The following ZFAND2A variants were observed in gnomAD, a reference collection of about 807,000 sequenced individuals.
ZFAND2A encodes zinc finger AN1-type containing 2A, also known as AN1-type zinc finger protein 2A.
Under a neutral mutation model 11.6 loss-of-function variants are expected in ZFAND2A, and 20 were observed. The ratio of observed to expected loss-of-function variants is 1.72; its 90% CI spans 1.21 to 2.50. The LOEUF is 2.50. Among genes scored for constraint, ZFAND2A ranks in the 30% most tolerant of loss-of-function variants. The pLI is 0.00. For missense variants in ZFAND2A, 234 were observed against 182.9 expected (o/e 1.28, Z -1.61); for synonymous variants, 93 against 60.6 (o/e 1.54, Z -2.48).
downstream of ZFAND2A, among the ~76,000 whole-genome samples, chr7:1,152,620 C>G (rs996851008): frequency 3.9e-5 from 6 of 152,180 alleles, no homozygotes; most frequent in African/African-American, 1.4e-4. Context: ...GAGGTCACGA[C>G]TGTGGGATCA....
chr7:1,157,486 G>A, intron 3 of ZFAND2A, 170 bp downstream of exon 3: 1 of 601,408 alleles, frequency 1.7e-6, no homozygotes, highest in Non-Finnish European at 2.9e-6. Flanking sequence ...ACGCTCCTCT[G>A]TACTGCCTAA....
intron 3 of ZFAND2A, among the ~76,000 whole-genome samples, chr7:1,156,161 G>A (rs917042815): frequency 1.6e-5 from 2 of 125,040 alleles, no homozygotes; most frequent in African/African-American, 7.7e-5. Context: ...GGGGTGGACT[G>A]CCCAGCAGCT....
downstream of ZFAND2A, among the ~76,000 whole-genome samples, chr7:1,151,762 TAA>T (rs530920394): frequency 1.1e-5 from 1 of 87,144 alleles, no homozygotes; most frequent in Non-Finnish European, 2.2e-5. Context: ...TCATCCCTTT[TAA>T]AAAAAAAAAA....
rs374652863 is a variant in ZFAND2A, at chr7:1,153,055, A to G, written c.*14T>C. On this transcript the variant is annotated 3_prime_UTR_variant, in exon 5 of 5. Coordinates refer to ENST00000316495, the MANE Select transcript of ZFAND2A (RefSeq NM_182491.4). The stretch of plus-strand genomic sequence containing the variant: ...GCTACTGCGTGCTCCGAGCCATCGC[A>G]GCGGAGTCTCTTCTCACCCAGCTTT... 10 of 1,614,014 alleles carry G rather than the reference A, an allele frequency of 6.2e-6. No individual in the cohort carries two copies. The East Asian group carries it at 6.7e-5, about 11-fold the overall frequency.
At chr7:1,149,844 T>C (rs2128256512), downstream of ZFAND2A, among the ~76,000 whole-genome samples, 1 of 150,002 alleles carries the variant, frequency 6.7e-6, no homozygotes, top group Non-Finnish European at 1.5e-5. Context: ...GTGACTAGCT[T>C]GTTCTTAAGT....
chr7:1,158,370 T>C (rs200873369), intron 1 of ZFAND2A, 113 bp from the exon 2 acceptor site: 1 of 663,614 alleles, frequency 1.5e-6, no homozygotes, highest in East Asian at 2.6e-5. Flanking sequence ...TGGGGAGCAT[T>C]CCATGGAGTT....
At chr7:1,150,063 G>A (rs117433423), downstream of ZFAND2A, among the ~76,000 whole-genome samples, 3,970 of 151,866 alleles carry the variant, frequency 0.026, 76 homozygotes, top group African/African-American at 0.049. Context: ...ATGTTGGCCA[G>A]GCTGGTCTCA....
At chr7:1,150,484 A>G (rs1284200672), downstream of ZFAND2A, among the ~76,000 whole-genome samples, 1 of 152,050 alleles carries the variant, frequency 6.6e-6, no homozygotes, top group Admixed American at 6.6e-5. Context: ...AAATCACTGC[A>G]CTCTTGATGA....
intron 4 of ZFAND2A, 86 bp downstream of exon 4, chr7:1,155,367 G>C: frequency 6.4e-7 from 1 of 1,551,844 alleles, no homozygotes; most frequent in East Asian, 2.3e-5. Context: ...AAACTATTGG[G>C]AGTAATTTTC....
chr7:1,153,426 C>CA (rs1793446775), intron 4 of ZFAND2A, among the ~76,000 whole-genome samples: 1 of 152,032 alleles, frequency 6.6e-6, no homozygotes, highest in South Asian at 2.1e-4. Context: ...TCTATTTTCA[C>CA]AGAGATGGGG....
At chr7:1,150,887 CTTT>C (rs10568309), downstream of ZFAND2A, among the ~76,000 whole-genome samples, 105 of 128,082 alleles carry the variant, frequency 8.2e-4, 1 homozygote, top group Non-Finnish European at 1.3e-3. Context: ...ACAACTGTGC[CTTT>C]TTTTTTTTTT....
downstream of ZFAND2A, among the ~76,000 whole-genome samples, chr7:1,151,763 A>T (rs73264947): frequency 5.7e-4 from 43 of 75,436 alleles, no homozygotes; most frequent in East Asian, 1.3e-3. Context: ...CATCCCTTTT[A>T]AAAAAAAAAA....
At chr7:1,155,797 A>G (rs1307293216) in intron 3 of ZFAND2A, 1 of 462,770 alleles carries the variant, frequency 2.2e-6, no homozygotes, top group Non-Finnish European at 3.6e-6. Flanking sequence ...AGTCTAGTGA[A>G]GTTTCAACGA....
At chr7:1,148,909 T>C (rs777270078), downstream of ZFAND2A, among the ~76,000 whole-genome samples, 57 of 148,248 alleles carry the variant, frequency 3.8e-4, 2 homozygotes, top group African/African-American at 1.3e-3. Flanking sequence ...CACAGCTCAC[T>C]GCAGCCTTGA....
chr7:1,149,157 T>A (rs1793352401), downstream of ZFAND2A, among the ~76,000 whole-genome samples: 1 of 152,108 alleles, frequency 6.6e-6, no homozygotes, highest in Admixed American at 6.5e-5. Context: ...ACTTTAAAAA[T>A]TAAAAACATT....
downstream of ZFAND2A, among the ~76,000 whole-genome samples, chr7:1,151,643 C>G (rs1301121231): frequency 1.3e-5 from 2 of 151,728 alleles, no homozygotes; most frequent in Non-Finnish European, 2.9e-5. Context: ...CCTGTAATCC[C>G]AGCTACTCGG....
At position 1,153,212 on chromosome 7, in the gene ZFAND2A, G is replaced by A. The variant is rs748607914; in HGVS notation, c.295C>T (p.Arg99Cys). 36 of 1,612,850 alleles carry A rather than the reference G, an allele frequency of 2.2e-5. No homozygotes were observed. The highest frequency in any genetic ancestry group is 4.4e-5 in the South Asian group (4 of 91,076). ...GKKKEKIFTY[R>C]CSKEGCKKKE... ...TTCTTGCAGCCCTCTTTTGAGCAAC[G>A]GTATGTAAAAATCTAAGAGAGCAAA... Residue 99 changes from arginine to cysteine, a missense_variant, in exon 5 of 5, where the codon CGT (arginine) becomes TGT (cysteine). Physicochemically the swap from Arg to Cys is radical, Grantham distance 180 (BLOSUM62 -3). Coordinates refer to ENST00000316495, the MANE Select transcript of ZFAND2A (RefSeq NM_182491.4).
At chr7:1,158,827 G>A (rs1034689313) in intron 1 of ZFAND2A, among the ~76,000 whole-genome samples, 1 of 152,130 alleles carries the variant, frequency 6.6e-6, no homozygotes, top group Non-Finnish European at 1.5e-5. Context: ...TACCGCACTC[G>A]AGAGAGAATC....
At chr7:1,149,947 G>C (rs1177533813), downstream of ZFAND2A, among the ~76,000 whole-genome samples, 1 of 151,636 alleles carries the variant, frequency 6.6e-6, no homozygotes. Flanking sequence ...CTGCCTCCCG[G>C]GTTCAAGCGA....
Sources: gnomAD v4.1 joint callset for allele counts (sites outside exome capture counted in the v4.1 genomes callset) on GRCh38, gnomAD v4.1.1 for gene constraint, MANE v1.5 for transcripts, NCBI Gene and HGNC (gene_info 2026-07-23, HGNC 2026-07-21) for gene names.